C12orf50: variants seen among roughly 807,000 people sequenced by gnomAD.
C12orf50 encodes the protein uncharacterized protein C12orf50.
C12orf50 carries 35 observed loss-of-function variants against 61.6 expected under a neutral mutation model. That is an observed-to-expected ratio of 0.57 (90% CI 0.43 to 0.75). The LOEUF is 0.75. Ranked by LOEUF, C12orf50 falls within the 30% of genes least tolerant of loss-of-function variation. The pLI, the probability that C12orf50 is intolerant of heterozygous loss-of-function variation, is 0.00. For synonymous variants in C12orf50, 178 were observed against 161.5 expected, an observed-to-expected ratio of 1.10 and a Z score of -0.77; for missense variants, 475 against 488.5, an observed-to-expected ratio of 0.97 and a Z score of 0.26.
chr12:88,016,501 T>C (rs2032316692), intron 3 of C12orf50, among the ~76,000 whole-genome samples: 1 of 152,214 alleles, frequency 6.6e-6, no homozygotes, highest in East Asian at 1.9e-4. Context: ...TATTGAAATA[T>C]TTCCAAATAA....
intron 3 of C12orf50, among the ~76,000 whole-genome samples, chr12:88,005,018 A>G (rs1435482212): frequency 6.6e-6 from 1 of 152,062 alleles, no homozygotes; most frequent in African/African-American, 2.4e-5. Flanking sequence ...TGCACAAACA[A>G]ACCTGTACCC....
intron 3 of C12orf50, among the ~76,000 whole-genome samples, chr12:88,007,838 A>G (rs1009028290): frequency 4.6e-5 from 7 of 152,180 alleles, no homozygotes; most frequent in South Asian, 2.1e-4. Context: ...TGTTGTTTTA[A>G]TAAATTAAAT....
At chr12:88,005,912 GT>G (rs371924944) in intron 3 of C12orf50, among the ~76,000 whole-genome samples, 11,613 of 90,926 alleles carry the variant, frequency 0.13, 614 homozygotes, top group African/African-American at 0.23. Context: ...TGTTTTTTTG[GT>G]TTTTTTTTTT....
chr12:88,024,921 T>G (rs372464984), intron 3 of C12orf50, among the ~76,000 whole-genome samples: 1 of 152,218 alleles, frequency 6.6e-6, no homozygotes, highest in East Asian at 1.9e-4. Context: ...GCCACTGGAT[T>G]TAATAATGTG....
At chr12:88,011,945 A>G (rs1296782393) in intron 3 of C12orf50, among the ~76,000 whole-genome samples, 1 of 152,196 alleles carries the variant, frequency 6.6e-6, no homozygotes, top group Non-Finnish European at 1.5e-5. Context: ...AGAATTGGCA[A>G]ATTTTCAGGA....
At chr12:88,015,133 T>C (rs2032263952) in intron 3 of C12orf50, among the ~76,000 whole-genome samples, 1 of 152,124 alleles carries the variant, frequency 6.6e-6, no homozygotes, top group African/African-American at 2.4e-5. Flanking sequence ...TCTTATCCCC[T>C]CTCTTCCTTC....
intron 3 of C12orf50, among the ~76,000 whole-genome samples, chr12:88,011,729 G>A (rs2032116513): frequency 6.6e-6 from 1 of 152,146 alleles, no homozygotes; most frequent in Non-Finnish European, 1.5e-5. Context: ...AGCTTCTGGA[G>A]TAACTGTAGT....
In C12orf50 at chr12:87,998,121, G is replaced by A. The variant is rs567289686; in HGVS notation, c.203C>T (p.Pro68Leu). The A allele has an allele frequency of 1.1e-5, 18 of 1,612,650 alleles. No homozygotes were observed. The Admixed American group carries it at 2.2e-4, about 19-fold the overall frequency. ...LQSQSQEPLK[P>L]QENISRPIHH... is the part of the protein sequence containing the mutation. Reference sequence around the variant, plus strand: ...GATGGGTCGTGATATATTTTCCTGAGGTTTCAGAGGTTCTTGACTCTGGGA... The same window carrying A: ...GATGGGTCGTGATATATTTTCCTGAAGTTTCAGAGGTTCTTGACTCTGGGA... Residue 68 changes from proline to leucine, a missense_variant, in exon 4 of 13, where the codon CCT becomes CTT. By Grantham distance (98) the Pro-to-Leu change is moderately conservative. Transcript: ENST00000298699.
At chr12:88,018,396 G>C (rs191141980) in intron 3 of C12orf50, among the ~76,000 whole-genome samples, 1 of 152,364 alleles carries the variant, frequency 6.6e-6, no homozygotes, top group East Asian at 1.9e-4. Context: ...TTCAGAGGGC[G>C]TGTGGAAATG....
At chr12:88,008,174 C>A (rs962156679) in intron 3 of C12orf50, among the ~76,000 whole-genome samples, 1 of 151,974 alleles carries the variant, frequency 6.6e-6, no homozygotes, top group African/African-American at 2.4e-5. Flanking sequence ...GGTATTAAGC[C>A]TAGTACTCAT....
intron 3 of C12orf50, among the ~76,000 whole-genome samples, chr12:88,020,767 A>G (rs1229000842): frequency 6.6e-6 from 1 of 152,072 alleles, no homozygotes; most frequent in Non-Finnish European, 1.5e-5. Flanking sequence ...ATCCTCCAAA[A>G]CTGACCATAC....
At chr12:87,986,174 A>G (rs1321284295) in intron 10 of C12orf50, 121 bp from the exon 11 acceptor site, 3 of 1,275,466 alleles carry the variant, frequency 2.4e-6, no homozygotes, top group East Asian at 4.9e-5. Flanking sequence ...AAAATAATTA[A>G]GTTTAGAGAA....
intron 3 of C12orf50, among the ~76,000 whole-genome samples, chr12:88,017,470 G>C (rs1405349492): frequency 6.6e-6 from 1 of 152,046 alleles, no homozygotes; most frequent in Non-Finnish European, 1.5e-5. Context: ...GTCTTTATCT[G>C]CAGCATGTCT....
intron 7 of C12orf50, among the ~76,000 whole-genome samples, chr12:87,993,528 C>T (rs540671029): frequency 6.6e-6 from 1 of 152,132 alleles, no homozygotes; most frequent in Admixed American, 6.5e-5. Context: ...AAAACTGCTG[C>T]AGATGTAAGA....
chr12:88,022,477 C>T (rs2032552603), intron 3 of C12orf50, among the ~76,000 whole-genome samples: 2 of 152,092 alleles, frequency 1.3e-5, no homozygotes, highest in Non-Finnish European at 2.9e-5. Context: ...CACTCCTACT[C>T]ACCATAGTAT....
At chr12:87,992,516 ATATC>A (rs907508568) in intron 7 of C12orf50, among the ~76,000 whole-genome samples, 3 of 152,168 alleles carry the variant, frequency 2.0e-5, no homozygotes, top group South Asian at 2.1e-4. Context: ...TATGTGGTAT[ATATC>A]TATCTATCTA....
intron 11 of C12orf50, 125 bp downstream of exon 11, chr12:87,985,725 T>G: frequency 1.1e-6 from 1 of 871,434 alleles, no homozygotes; most frequent in Non-Finnish European, 1.9e-6. Flanking sequence ...CTAGTTTCTA[T>G]GGTGGTGATG....
chr12:87,985,137 A>C (rs1334331509), intron 11 of C12orf50: 2 of 152,112 alleles, frequency 1.3e-5, no homozygotes, highest in Non-Finnish European at 2.9e-5. Context: ...ATAAGTTCAA[A>C]ATATTCAGAA....
In C12orf50 at chr12:87,980,460, A is replaced by G. The variant is rs1592639065; in HGVS notation, c.1220-104T>C. 77 of 966,488 alleles carry G rather than the reference A, an allele frequency of 8.0e-5. No homozygotes were observed. In the East Asian group the frequency reaches 1.8e-3, roughly 23 times the overall value. 59.9% of individuals were successfully genotyped at this position (966,488 alleles called of 1,614,324 possible). On this transcript the variant is annotated intron_variant, in intron 12 of 12. Coordinates refer to ENST00000298699, the MANE Select transcript of C12orf50 (RefSeq NM_152589.3). Reference sequence around the variant, plus strand: ...CTTGCCGTAAATCTAAAGGCAAAGAAAAACTAATCTTACTGTTTTAACTTA... The same window carrying G: ...CTTGCCGTAAATCTAAAGGCAAAGAGAAACTAATCTTACTGTTTTAACTTA...
Sources: gnomAD v4.1 joint callset for allele counts (sites outside exome capture counted in the v4.1 genomes callset) on GRCh38, gnomAD v4.1.1 for gene constraint, MANE v1.5 for transcripts, NCBI Gene and HGNC (gene_info 2026-07-23, HGNC 2026-07-21) for gene names.